The following CHD9 variants were observed in gnomAD, a reference collection of about 807,000 sequenced individuals.
CHD9 encodes ATP-dependent chromatin remodeler CHD9.
Under a neutral mutation model 316.1 loss-of-function variants are expected in CHD9, and 77 were observed. The ratio of observed to expected loss-of-function variants is 0.24; its 90% CI spans 0.20 to 0.29. The LOEUF (loss-of-function observed/expected upper bound fraction) is 0.29, where lower values mean the gene tolerates loss of function less well. CHD9 is among the 10% of genes least tolerant of loss of function. CHD9 has a pLI of 1.00. For synonymous variants in CHD9, 1,129 were observed against 1,158.3 expected, an observed-to-expected ratio of 0.97 and a Z score of 0.51; for missense variants, 2,763 against 3,438.1, an observed-to-expected ratio of 0.80 and a Z score of 4.91.
intron 29 of CHD9, among the ~76,000 whole-genome samples, chr16:53,295,490 A>G (rs1364318851): frequency 6.6e-6 from 1 of 152,178 alleles, no homozygotes; most frequent in Non-Finnish European, 1.5e-5. Context: ...TCACATAGCA[A>G]CTTATCTAAG....
chr16:53,171,883 C>G (rs909450269), intron 2 of CHD9, among the ~76,000 whole-genome samples: 6 of 143,270 alleles, frequency 4.2e-5, no homozygotes, highest in Admixed American at 2.0e-4. Flanking sequence ...CACACACACA[C>G]ACACACACAC....
At chr16:53,103,011 A>G (rs1294524954) in intron 1 of CHD9, among the ~76,000 whole-genome samples, 2 of 151,624 alleles carry the variant, frequency 1.3e-5, no homozygotes, top group African/African-American at 4.8e-5. Context: ...ACCCCTGGCT[A>G]ATTTTTTGTA....
intron 1 of CHD9, among the ~76,000 whole-genome samples, chr16:53,084,316 T>A (rs1462965441): frequency 6.6e-6 from 1 of 152,330 alleles, no homozygotes; most frequent in East Asian, 1.9e-4. Context: ...TCAAATGTGG[T>A]CAGAGACTCA....
chr16:53,171,141 G>A (rs1040636797), intron 2 of CHD9, among the ~76,000 whole-genome samples: 8 of 152,118 alleles, frequency 5.3e-5, no homozygotes, highest in Non-Finnish European at 1.2e-4. Flanking sequence ...CAGGTGCGGT[G>A]GCTCACACCT....
At chr16:53,152,629 G>T (rs1215508518) in intron 1 of CHD9, among the ~76,000 whole-genome samples, 3 of 152,208 alleles carry the variant, frequency 2.0e-5, no homozygotes, top group African/African-American at 7.2e-5. Flanking sequence ...GTGAGCAGAG[G>T]AGTGTCCTGA....
Position 53,292,389 on chromosome 16 carries a change from C to A in CHD9, c.5291-444C>A, listed in dbSNP as rs148459328. Among the ~76,000 whole-genome samples, 1,152 of 152,290 alleles carry A rather than the reference C, an allele frequency of 7.6e-3. 16 individuals carry two copies. Among genetic ancestry groups the A allele is most frequent in the African/African-American group, 0.026 (1,088 of 41,544 alleles). ...GGTGGATAAAACTTAAAAGTTACATCATTGTCATCTTGAACTTCGAAAATG... is the reference window on the plus strand; with the variant it reads ...GGTGGATAAAACTTAAAAGTTACATAATTGTCATCTTGAACTTCGAAAATG... On this transcript the variant is annotated intron_variant, in intron 28 of 38. Coordinates refer to ENST00000447540, the MANE Select transcript of CHD9 (RefSeq NM_001308319.2).
At position 53,280,043 on chromosome 16, in the gene CHD9, A is replaced by G. The variant is rs577140343; in HGVS notation, c.4968-5553A>G. On this transcript the variant is annotated intron_variant, in intron 24 of 38. Coordinates refer to ENST00000447540, the MANE Select transcript of CHD9 (RefSeq NM_001308319.2). ...AAATAATAGATGTTGGTATGGATGT[A>G]GTGAACAAAACACTTCTACACTTCT... Among the ~76,000 whole-genome samples, 156 of 152,312 alleles carry G rather than the reference A, an allele frequency of 1.0e-3. 1 individual carries two copies. The highest frequency in any genetic ancestry group is 3.6e-3 in the African/African-American group (151 of 41,574).
At chr16:53,308,942 A>G in intron 34 of CHD9, 88 bp downstream of exon 34, 1 of 1,095,582 alleles carries the variant, frequency 9.1e-7, no homozygotes. Context: ...ATAAAAATTT[A>G]TTTTTCCTTT....
chr16:53,215,509 G>A (rs149784668), intron 3 of CHD9, among the ~76,000 whole-genome samples: 52 of 152,110 alleles, frequency 3.4e-4, no homozygotes, highest in African/African-American at 1.2e-3. Context: ...ACTTTAAATG[G>A]GCATCATTTC....
intron 1 of CHD9, among the ~76,000 whole-genome samples, chr16:53,072,986 C>T (rs971594753): frequency 4.6e-5 from 7 of 152,332 alleles, no homozygotes; most frequent in Middle Eastern, 3.4e-3. Flanking sequence ...TCAGCCACCA[C>T]GCCCGGCCAT....
At chr16:53,212,580 C>T (rs541966958) in intron 3 of CHD9, among the ~76,000 whole-genome samples, 64 of 152,220 alleles carry the variant, frequency 4.2e-4, no homozygotes, top group African/African-American at 1.5e-3. Flanking sequence ...GAAACCTTTT[C>T]GTTGTCACTT....
intron 1 of CHD9, among the ~76,000 whole-genome samples, chr16:53,077,766 T>C (rs1355836649): frequency 6.6e-6 from 1 of 152,222 alleles, no homozygotes; most frequent in East Asian, 1.9e-4. Flanking sequence ...AATCTACTTC[T>C]TCGGCAATTT....
intron 24 of CHD9, among the ~76,000 whole-genome samples, chr16:53,276,273 A>G (rs1390219136): frequency 6.6e-6 from 1 of 152,194 alleles, no homozygotes; most frequent in African/African-American, 2.4e-5. Flanking sequence ...CCCTGCACCT[A>G]AGTAGCTGAA....
At chr16:53,059,974 C>G (rs923532433) in intron 1 of CHD9, among the ~76,000 whole-genome samples, 2 of 152,170 alleles carry the variant, frequency 1.3e-5, no homozygotes, top group African/African-American at 4.8e-5. Context: ...TTTATGGACA[C>G]TGAAGTTTTG....
rs2057512114 is a variant in CHD9 at position 53,325,524 on chromosome 16, C to A, written c.*629C>A. ...AGGAAGTTTACATTCGTTTCTAATT[C>A]TATACTTGTTTTCAGGGGTTTTTTA... is the stretch of plus-strand genomic sequence containing the variant. On this transcript the variant is annotated 3_prime_UTR_variant, in exon 39 of 39. Coordinates refer to ENST00000447540, the MANE Select transcript of CHD9 (RefSeq NM_001308319.2). 1 of 152,560 alleles carries A rather than the reference C, an allele frequency of 6.6e-6. No homozygotes were observed. Among genetic ancestry groups the A allele is most frequent in the Non-Finnish European group, 1.5e-5 (1 of 68,020 alleles). 9.5% of individuals were successfully genotyped at this position (152,560 alleles called of 1,614,324 possible).
At chr16:53,119,575 G>C (rs931143486) in intron 1 of CHD9, among the ~76,000 whole-genome samples, 8 of 152,088 alleles carry the variant, frequency 5.3e-5, no homozygotes, top group Non-Finnish European at 1.5e-5. Flanking sequence ...GCTCACACCT[G>C]TAATCCCAGC....
intron 13 of CHD9, 128 bp downstream of exon 13, chr16:53,243,144 T>TA: frequency 5.0e-6 from 3 of 601,440 alleles, no homozygotes; most frequent in Non-Finnish European, 8.1e-6. Context: ...TTATCTGTGA[T>TA]AATTGAGATT....
chr16:53,056,014 A>G lies in CHD9; in HGVS notation c.-165+937A>G, dbSNP rs572516292. ...GGCCTTATAACGAGCCTTTTTTACA[A>G]CTAGTAAAAGGGCCCTTTTACAACT... On this transcript the variant is annotated intron_variant, in intron 1 of 38. Transcript: ENST00000447540. Among the ~76,000 whole-genome samples the G allele has an allele frequency of 3.0e-5, 4 of 132,588 alleles. No individual in the cohort carries two copies. The East Asian group carries it at 8.7e-4, about 29-fold the overall frequency. The allele number at this position is 132,588 out of a possible 152,430, so 87.0% of individuals were successfully genotyped here.
intron 2 of CHD9, among the ~76,000 whole-genome samples, chr16:53,170,547 T>C (rs2042628100): frequency 6.6e-6 from 1 of 151,336 alleles, no homozygotes; most frequent in Non-Finnish European, 1.5e-5. Context: ...CCTTGTAAAA[T>C]GCATCGTGCA....
Sources: allele counts gnomAD v4.1 joint callset (sites outside exome capture counted in the v4.1 genomes callset), GRCh38; gene constraint gnomAD v4.1.1; transcripts MANE v1.5; gene names NCBI Gene and HGNC (gene_info 2026-07-23, HGNC 2026-07-21).